PCLO: variants seen among roughly 807,000 people sequenced by gnomAD.
The protein encoded by PCLO is protein piccolo.
In PCLO, 82 loss-of-function variants were observed where a neutral mutation model predicts 427.5. That is an observed-to-expected ratio of 0.19 (90% CI 0.16 to 0.23). PCLO has a LOEUF of 0.23. PCLO is among the 10% of genes least tolerant of loss of function. PCLO has a pLI of 1.00. For synonymous variants in PCLO, 2,357 were observed against 2,155.4 expected, an observed-to-expected ratio of 1.09 and a Z score of -2.59; for missense variants, 6,239 against 6,115.9, an observed-to-expected ratio of 1.02 and a Z score of -0.67.
intron 3 of PCLO, among the ~76,000 whole-genome samples, chr7:83,064,323 G>T (rs1363316550): frequency 6.6e-6 from 1 of 151,974 alleles, no homozygotes; most frequent in Non-Finnish European, 1.5e-5. Flanking sequence ...ACTGCAGGAA[G>T]AATGAATAGA....
intron 6 of PCLO, among the ~76,000 whole-genome samples, chr7:82,931,201 A>G (rs1279994204): frequency 1.3e-5 from 2 of 152,280 alleles, no homozygotes; most frequent in African/African-American, 4.8e-5. Context: ...CAATTTATAA[A>G]TGAGTAAATT....
rs1464259283 is a variant in PCLO at position 82,954,313 on chromosome 7, C to T, written c.6640G>A (p.Val2214Met). 1 of 1,613,620 alleles carries T rather than the reference C, an allele frequency of 6.2e-7. No individual in the cohort carries two copies. Among genetic ancestry groups the T allele is most frequent in the Non-Finnish European group, 8.5e-7 (1 of 1,179,724 alleles). The change falls in exon 5 of 25, where the codon GTG becomes ATG. Residue 2214 changes from valine to methionine, a missense_variant. Transcript: ENST00000333891. ...DSITTVYTEP[V>M]DMITKFEDSE... Reference sequence around the variant, plus strand: ...TCTTCAAATTTAGTTATCATGTCCACTGGCTCTGTATAAACTGTGGTTATG... The same window carrying T: ...TCTTCAAATTTAGTTATCATGTCCATTGGCTCTGTATAAACTGTGGTTATG...
At chr7:82,867,836 G>A (rs940161475) in intron 10 of PCLO, among the ~76,000 whole-genome samples, 3 of 151,982 alleles carry the variant, frequency 2.0e-5, no homozygotes, top group Admixed American at 6.6e-5. Context: ...AAAATAAATG[G>A]ATAAAGAAGA....
intron 3 of PCLO, among the ~76,000 whole-genome samples, chr7:83,065,773 C>T (rs1789655548): frequency 6.6e-6 from 1 of 151,954 alleles, no homozygotes; most frequent in Admixed American, 6.6e-5. Flanking sequence ...TGTGCCCCAG[C>T]TAAATGAACA....
rs776120633 is a variant in PCLO, at chr7:82,950,420, T to C, written c.10168A>G (p.Ile3390Val). The change falls in exon 6 of 25, where the codon ATC becomes GTC. Residue 3390 changes from isoleucine (I) to valine (V), a missense_variant. Physicochemically the swap from Ile to Val is conservative, Grantham distance 29 (BLOSUM62 3). Around this residue, in one of 5 missense-constraint regions of PCLO, gnomAD observed 4,677 missense variants for 4,468.4 expected, o/e 1.05. Transcript: ENST00000333891. ...GGTATTTCTGAAACAGTGCTCAGGA[T>C]ACCAGGTGGGGCAATGTACTGAGTA... is the stretch of plus-strand genomic sequence containing the variant. ...GVTQYIAPPG[I>V]LSTVSEIPLT... 2.5e-6 allele frequency: 4 copies of C among 1,613,712 alleles called. No homozygotes were observed. In the African/African-American group the frequency reaches 4.0e-5, roughly 16 times the overall value.
intron 10 of PCLO, among the ~76,000 whole-genome samples, chr7:82,863,072 G>A (rs1273659091): frequency 6.6e-6 from 1 of 151,776 alleles, no homozygotes; most frequent in Non-Finnish European, 1.5e-5. Context: ...TGATGTGTTT[G>A]TTTATCTTTG....
chr7:82,861,167 A>G (rs1160286614), intron 10 of PCLO, among the ~76,000 whole-genome samples: 1 of 152,028 alleles, frequency 6.6e-6, no homozygotes, highest in East Asian at 1.9e-4. Context: ...GAGTGGCTGA[A>G]TGGGTGAATA....
rs1004829132 is a variant in PCLO, at chr7:83,162,692, G to A, written c.-100C>T. 1.6e-5 allele frequency: 23 copies of A among 1,407,042 alleles called. No individual in the cohort carries two copies. Among genetic ancestry groups the A allele is most frequent in the East Asian group, 2.5e-5 (1 of 39,840 alleles). The allele number at this position is 1,407,042 out of a possible 1,614,324, so 87.2% of individuals were successfully genotyped here. A position where few individuals can be genotyped will look rare whatever the true frequency, so the allele number is the denominator to read the frequency against. The stretch of plus-strand genomic sequence containing the variant: ...GCAGTCAGAGCCGGGGTCCGCCTCG[G>A]GGCGTGCAGGCAGCCGAGTCCCTGG... On this transcript the variant is annotated 5_prime_UTR_variant, in exon 1 of 25. Transcript: ENST00000333891.
intron 3 of PCLO, among the ~76,000 whole-genome samples, chr7:83,131,502 G>A (rs1416922969): frequency 6.6e-6 from 1 of 152,076 alleles, no homozygotes; most frequent in Non-Finnish European, 1.5e-5. Flanking sequence ...AAAGGGAGAG[G>A]GGGCCAGGGT....
At chr7:83,124,760 C>G (rs893577979) in intron 3 of PCLO, among the ~76,000 whole-genome samples, 3 of 152,102 alleles carry the variant, frequency 2.0e-5, no homozygotes, top group Non-Finnish European at 4.4e-5. Context: ...CGGTCTCCCC[C>G]TCTCCCTCGT....
intron 22 of PCLO, among the ~76,000 whole-genome samples, chr7:82,780,434 T>G (rs558482833): frequency 1.3e-5 from 2 of 152,342 alleles, no homozygotes; most frequent in East Asian, 1.9e-4. Context: ...GATTGAAGAT[T>G]GAAGTTAACC....
At chr7:83,105,116 T>C (rs556695333) in intron 3 of PCLO, among the ~76,000 whole-genome samples, 2 of 152,138 alleles carry the variant, frequency 1.3e-5, no homozygotes, top group Non-Finnish European at 2.9e-5. Context: ...ATAGGACATG[T>C]TCTACAGTAT....
At chr7:83,117,464 T>A (rs528880856) in intron 3 of PCLO, among the ~76,000 whole-genome samples, 2 of 152,346 alleles carry the variant, frequency 1.3e-5, no homozygotes, top group East Asian at 3.9e-4. Context: ...ATGTCAACAA[T>A]GCAAGGTCTT....
At chr7:82,797,451 T>C (rs1791249429) in intron 22 of PCLO, among the ~76,000 whole-genome samples, 1 of 152,120 alleles carries the variant, frequency 6.6e-6, no homozygotes, top group Non-Finnish European at 1.5e-5. Flanking sequence ...AAAACACTCA[T>C]CTGTACAATT....
chr7:82,833,600 T>C (rs951023528), intron 16 of PCLO, among the ~76,000 whole-genome samples: 13 of 152,280 alleles, frequency 8.5e-5, no homozygotes, highest in Middle Eastern at 3.4e-3. Flanking sequence ...ATGAAAGATG[T>C]ATTACATTTT....
chr7:83,053,637 C>G (rs143490919), intron 3 of PCLO, among the ~76,000 whole-genome samples: 97 of 151,896 alleles, frequency 6.4e-4, no homozygotes, highest in African/African-American at 2.3e-3. Context: ...CGACATTGAC[C>G]AGGGAATTGA....
rs866180730 is a variant in PCLO at position 83,128,233 on chromosome 7, T to C, written c.3300+6017A>G. On this transcript the variant is annotated intron_variant, in intron 3 of 24. Transcript: ENST00000333891. ...ACCGGGGATGTAAAACGAAATGGCTTGTGCAAAAGATAAGGTGGGAGAGTG... is the reference window on the plus strand; with the variant it reads ...ACCGGGGATGTAAAACGAAATGGCTCGTGCAAAAGATAAGGTGGGAGAGTG... Among the ~76,000 whole-genome samples, 36 of 151,404 alleles carry C rather than the reference T, an allele frequency of 2.4e-4. 1 individual carries two copies. The highest frequency in any genetic ancestry group is 9.9e-4 in the Admixed American group (15 of 15,208).
chr7:82,860,787 G>T (rs907842829), intron 10 of PCLO, among the ~76,000 whole-genome samples: 1 of 151,886 alleles, frequency 6.6e-6, no homozygotes, highest in African/African-American at 2.4e-5. Flanking sequence ...GATATAAATA[G>T]AAACAACAAA....
chr7:82,843,532 A>G (rs1792420532), intron 13 of PCLO, among the ~76,000 whole-genome samples: 1 of 152,162 alleles, frequency 6.6e-6, no homozygotes. Flanking sequence ...TGAAGAGAGT[A>G]GATTTAAAAA....
Sources: allele counts gnomAD v4.1 joint callset (sites outside exome capture counted in the v4.1 genomes callset), GRCh38; gene constraint gnomAD v4.1.1; regional missense constraint gnomAD v4.1.1; transcripts MANE v1.5; gene names NCBI Gene and HGNC (gene_info 2026-07-23, HGNC 2026-07-21).